The following CFAP263 variants were observed in gnomAD, a reference collection of about 807,000 sequenced individuals.
The protein encoded by CFAP263 is cilia- and flagella-associated protein 263.
chr16:58,266,154 T>C, the CFAP263 span, among the ~76,000 whole-genome samples: 2 of 151,736 alleles, frequency 1.3e-5, no homozygotes, highest in African/African-American at 4.8e-5. Flanking sequence ...GTGCCAGAAG[T>C]TCCCCCAGGC....
At chr16:58,267,611 T>G in the CFAP263 span, 4 of 1,410,196 alleles carry the variant, frequency 2.8e-6, no homozygotes, top group Non-Finnish European at 4.0e-6. Flanking sequence ...AATGTGGTAT[T>G]TCTGATGTTT....
chr16:58,257,010 A>ATTTTTTTT, the CFAP263 span, among the ~76,000 whole-genome samples: 17 of 50,178 alleles, frequency 3.4e-4, no homozygotes, highest in South Asian at 2.2e-3. Context: ...GCATATATGA[A>ATTTTTTTT]TTTCTTTTTT....
chr16:58,252,522 T>C, the CFAP263 span, among the ~76,000 whole-genome samples: 1 of 152,180 alleles, frequency 6.6e-6, no homozygotes, highest in African/African-American at 2.4e-5. Context: ...TAGCACTTAC[T>C]ATGTGTCAGG....
At chr16:58,280,727 G>A in the CFAP263 span, 3 of 1,609,698 alleles carry the variant, frequency 1.9e-6, no homozygotes, top group African/African-American at 1.3e-5. Flanking sequence ...AACTGCTGTA[G>A]CTGGCACATC....
At chr16:58,278,339 C>T in the CFAP263 span, 3 of 725,716 alleles carry the variant, frequency 4.1e-6, no homozygotes, top group Non-Finnish European at 4.4e-6. Context: ...CTTGTGATTC[C>T]CACCCCTCCC....
the CFAP263 span, among the ~76,000 whole-genome samples, chr16:58,262,133 A>G: frequency 6.7e-6 from 1 of 149,142 alleles, no homozygotes; most frequent in Non-Finnish European, 1.5e-5. Context: ...ACTGCACCAC[A>G]CTGTTGAGTC....
the CFAP263 span, among the ~76,000 whole-genome samples, chr16:58,265,468 G>A: frequency 2.6e-5 from 4 of 152,224 alleles, no homozygotes; most frequent in Admixed American, 6.5e-5. Context: ...TGGGAGCTGA[G>A]AGCGACCTCC....
chr16:58,266,387 ATATATATATATATATATATTTTTTT>A, the CFAP263 span, among the ~76,000 whole-genome samples: 3 of 29,908 alleles, frequency 1.0e-4, no homozygotes, highest in Non-Finnish European at 6.7e-5. Context: ...ATATATATAT[ATATATATATATATATATATTTTTTT>A]TTTTTTTTTT....
the CFAP263 span, among the ~76,000 whole-genome samples, chr16:58,261,438 C>T: frequency 1.3e-5 from 2 of 152,212 alleles, no homozygotes; most frequent in Non-Finnish European, 2.9e-5. Context: ...GATCTTTAAC[C>T]TTAATGCCGC....
the CFAP263 span, chr16:58,267,463 T>A: frequency 6.4e-7 from 1 of 1,560,286 alleles, no homozygotes; most frequent in Non-Finnish European, 8.8e-7. Flanking sequence ...AGACTTGCTG[T>A]GTTGTTATAT....
At chr16:58,279,399 C>A in the CFAP263 span, among the ~76,000 whole-genome samples, 3 of 152,276 alleles carry the variant, frequency 2.0e-5, no homozygotes, top group East Asian at 5.8e-4. Context: ...ATTTGGGCCC[C>A]TCAGATCCGA....
the CFAP263 span, chr16:58,267,587 G>A: frequency 1.8e-5 from 29 of 1,568,164 alleles, no homozygotes; most frequent in Non-Finnish European, 2.5e-5. Context: ...AGTAGAGGAG[G>A]TAGGAGAGAG....
the CFAP263 span, among the ~76,000 whole-genome samples, chr16:58,267,289 CT>C: frequency 6.6e-6 from 1 of 152,140 alleles, no homozygotes; most frequent in Admixed American, 6.5e-5. Flanking sequence ...GAGGCCAAGA[CT>C]CCAAGGTCCT....
the CFAP263 span, chr16:58,267,659 C>A: frequency 1.1e-6 from 1 of 915,558 alleles, no homozygotes. Flanking sequence ...TCAAGGTCCA[C>A]CAAGATCTAA....
chr16:58,270,725 T>C, the CFAP263 span, among the ~76,000 whole-genome samples: 133 of 152,340 alleles, frequency 8.7e-4, 1 homozygote, highest in African/African-American at 3.1e-3. Context: ...TGTCTTCTTT[T>C]AAGAGTTTTA....
At chr16:58,262,738 A>T in the CFAP263 span, among the ~76,000 whole-genome samples, 2 of 143,256 alleles carry the variant, frequency 1.4e-5, no homozygotes, top group African/African-American at 2.6e-5. Context: ...TTTAAAAAAC[A>T]AACAAACATA....
At chr16:58,280,132 A>C in the CFAP263 span, 1 of 1,323,586 alleles carries the variant, frequency 7.6e-7, no homozygotes, top group Non-Finnish European at 1.0e-6. Flanking sequence ...CCCAGTGTGC[A>C]ACTATCAAAA....
At chr16:58,258,468 G>A in the CFAP263 span, 1 of 1,614,050 alleles carries the variant, frequency 6.2e-7, no homozygotes, top group Non-Finnish European at 8.5e-7. Context: ...AAGAAAGGGA[G>A]TATTTTGGCC....
chr16:58,265,993 TC>T, the CFAP263 span, among the ~76,000 whole-genome samples: 1 of 152,098 alleles, frequency 6.6e-6, no homozygotes, highest in Non-Finnish European at 1.5e-5. Flanking sequence ...TCCTGCCCCA[TC>T]TCCCCGGCCC....
Sources: allele counts gnomAD v4.1 joint callset (sites outside exome capture counted in the v4.1 genomes callset), GRCh38; gene constraint gnomAD v4.1.1; transcripts MANE v1.5; gene names NCBI Gene and HGNC (gene_info 2026-07-23, HGNC 2026-07-21).